MEF2D: variants seen among roughly 807,000 people sequenced by gnomAD.
MEF2D encodes myocyte enhancer factor 2D.
MEF2D carries 10 observed loss-of-function variants against 59.3 expected under a neutral mutation model. The ratio of observed to expected loss-of-function variants is 0.17; its 90% CI spans 0.10 to 0.29. MEF2D has a LOEUF of 0.29. Ranked by LOEUF, MEF2D falls within the 10% of genes least tolerant of loss-of-function variation. The pLI is 1.00. For missense variants in MEF2D, 508 were observed against 699.4 expected, an observed-to-expected ratio of 0.73 and a Z score of 3.09; for synonymous variants, 305 against 295.0, an observed-to-expected ratio of 1.03 and a Z score of -0.35.
At chr1:156,475,283 G>A in intron 8 of MEF2D, 46 bp from the exon 9 acceptor site, 1 of 1,532,256 alleles carries the variant, frequency 6.5e-7, no homozygotes, top group Non-Finnish European at 8.8e-7. Flanking sequence ...CAGGTGGGCA[G>A]CTTTATGTTG....
chr1:156,477,066 C>T lies in MEF2D; in HGVS notation c.801G>A (p.Lys267=). The part of the protein sequence containing the change: ...HSTQLGAPSR[K]PDLRVITSQA... ...GGGAAGTGATGACTCGCAGGTCGGG[C>T]TTGCGGCTGGGGGCTCCAAGCTGGG... The change falls in exon 7 of 12, where the codon AAG becomes AAA. Residue 267 remains lysine, a synonymous_variant. Coordinates refer to ENST00000348159, the MANE Select transcript of MEF2D (RefSeq NM_005920.4). 1.2e-6 allele frequency: 2 copies of T among 1,613,940 alleles called. No individual in the cohort carries two copies. Among genetic ancestry groups the T allele is most frequent in the East Asian group, 4.5e-5 (2 of 44,876 alleles).
At chr1:156,490,848 C>T (rs1285717327) in intron 1 of MEF2D, among the ~76,000 whole-genome samples, 1 of 152,210 alleles carries the variant, frequency 6.6e-6, no homozygotes, top group Non-Finnish European at 1.5e-5. Flanking sequence ...TCTCCTGAGC[C>T]TCCTCCATGT....
At chr1:156,498,592 TCCCTTCCCCCCTCCCC>T (rs1452653802) in intron 1 of MEF2D, among the ~76,000 whole-genome samples, 1 of 151,648 alleles carries the variant, frequency 6.6e-6, no homozygotes, top group Non-Finnish European at 1.5e-5. Context: ...CCTCCCTTCC[TCCCTTCCCCCCTCCCC>T]CCCTTCCCCC....
At chr1:156,485,818 T>C (rs147060850) in intron 1 of MEF2D, among the ~76,000 whole-genome samples, 228 of 151,910 alleles carry the variant, frequency 1.5e-3, no homozygotes, top group African/African-American at 5.4e-3. Flanking sequence ...CATGAGTGTG[T>C]ACCACCATGC....
chr1:156,477,152 T>G lies in MEF2D; in HGVS notation c.715A>C (p.Asn239His). 6.2e-7 allele frequency: 1 copy of G among 1,613,766 alleles called. No homozygotes were observed. The highest frequency in any genetic ancestry group is 8.5e-7 in the Non-Finnish European group (1 of 1,179,794). The change falls in exon 7 of 12, where the codon AAT becomes CAT. Residue 239 changes from asparagine to histidine, a missense_variant. Around this residue, in one of 2 missense-constraint regions of MEF2D, gnomAD observed 481 missense variants for 584.7 expected, o/e 0.82. Coordinates refer to ENST00000348159, the MANE Select transcript of MEF2D (RefSeq NM_005920.4). ...ATGACCTTGTTTAGGCTGTTGCCAT[T>G]GGCCACAGGGAGGAGGCCAGGGGAA... ...RASPGLLPVA[N>H]GNSLNKVIPA...
intron 1 of MEF2D, among the ~76,000 whole-genome samples, chr1:156,486,208 C>T (rs1325738546): frequency 2.0e-5 from 3 of 152,174 alleles, no homozygotes; most frequent in Admixed American, 1.3e-4. Flanking sequence ...CCCAAACCAG[C>T]TCCAGACACC....
rs572958416 is a variant in MEF2D at position 156,488,255 on chromosome 1, C to T, written c.-138-4825G>A. On this transcript the variant is annotated intron_variant, in intron 1 of 11. Coordinates refer to ENST00000348159, the MANE Select transcript of MEF2D (RefSeq NM_005920.4). ...GATGGGCAGGACATTTGGCAATGCCCACCCATATCTGTTCCCATCCTAGTG... is the reference window on the plus strand; with the variant it reads ...GATGGGCAGGACATTTGGCAATGCCTACCCATATCTGTTCCCATCCTAGTG... Among the ~76,000 whole-genome samples, 13 of 152,326 alleles carry T rather than the reference C, an allele frequency of 8.5e-5. No individual in the cohort carries two copies. The South Asian group carries it at 2.7e-3, about 32-fold the overall frequency.
At chr1:156,500,217 G>T (rs1673406325) in intron 1 of MEF2D, among the ~76,000 whole-genome samples, 1 of 151,580 alleles carries the variant, frequency 6.6e-6, no homozygotes, top group African/African-American at 2.4e-5. Flanking sequence ...CAATCCGCCC[G>T]TCCCCACCCC....
At chr1:156,473,322 TG>T (rs1218400968) in intron 9 of MEF2D, among the ~76,000 whole-genome samples, 4 of 152,172 alleles carry the variant, frequency 2.6e-5, no homozygotes, top group African/African-American at 9.7e-5. Context: ...GCCTGGGTTC[TG>T]GATTTTTACA....
chr1:156,485,522 CTTTTTTTTTTTTT>C (rs60165062), intron 1 of MEF2D, among the ~76,000 whole-genome samples: 1 of 131,808 alleles, frequency 7.6e-6, no homozygotes, highest in Admixed American at 7.6e-5. Context: ...TCTCCTTCTT[CTTTTTTTTTTTTT>C]TTTTTGGTGG....
chr1:156,473,947 C>T (rs1177552760), intron 9 of MEF2D, among the ~76,000 whole-genome samples: 1 of 152,192 alleles, frequency 6.6e-6, no homozygotes. Flanking sequence ...TGTGCTTTCT[C>T]TCTGGCCTCC....
intron 3 of MEF2D, 141 bp from the exon 4 acceptor site, chr1:156,481,112 C>A: frequency 8.3e-7 from 1 of 1,207,614 alleles, no homozygotes; most frequent in Non-Finnish European, 1.2e-6. Context: ...CTGGCCCCTC[C>A]CCACTGACAG....
chr1:156,488,613 G>T (rs964317260), intron 1 of MEF2D, among the ~76,000 whole-genome samples: 1 of 152,196 alleles, frequency 6.6e-6, no homozygotes, highest in Non-Finnish European at 1.5e-5. Context: ...TGTGCAAAAT[G>T]TACCGTAAAG....
chr1:156,480,427 G>A lies in MEF2D; in HGVS notation c.396+407C>T, dbSNP rs1297878634. On this transcript the variant is annotated intron_variant, in intron 4 of 11. Coordinates refer to ENST00000348159, the MANE Select transcript of MEF2D (RefSeq NM_005920.4). ...CATGTCATCTACACACTTCTTGCTGGAGAGGGGGACACTCCAGGCCTCTCC... is the reference window on the plus strand; with the variant it reads ...CATGTCATCTACACACTTCTTGCTGAAGAGGGGGACACTCCAGGCCTCTCC... Among the ~76,000 whole-genome samples, 5 of 152,136 alleles carry A rather than the reference G, an allele frequency of 3.3e-5. No homozygotes were observed. In the East Asian group the frequency reaches 7.7e-4, roughly 23 times the overall value.
At chr1:156,497,979 G>C (rs1461599158) in intron 1 of MEF2D, among the ~76,000 whole-genome samples, 2 of 151,708 alleles carry the variant, frequency 1.3e-5, no homozygotes, top group East Asian at 3.9e-4. Flanking sequence ...CTATCCCCAA[G>C]GCCTCCTCGG....
chr1:156,481,020 C>A, intron 3 of MEF2D, 49 bp from the exon 4 acceptor site: 1 of 1,608,216 alleles, frequency 6.2e-7, no homozygotes, highest in East Asian at 2.2e-5. Flanking sequence ...TTCCCGCCCG[C>A]CTCGCTGGAG....
chr1:156,496,338 G>A (rs1297340803), intron 1 of MEF2D, among the ~76,000 whole-genome samples: 1 of 152,098 alleles, frequency 6.6e-6, no homozygotes, highest in Non-Finnish European at 1.5e-5. Context: ...ACCGAAAGGC[G>A]AAACTCTGTA....
intron 3 of MEF2D, among the ~76,000 whole-genome samples, chr1:156,481,953 C>T (rs1383951124): frequency 6.6e-6 from 1 of 152,234 alleles, no homozygotes; most frequent in Non-Finnish European, 1.5e-5. Flanking sequence ...TGTCCTTCAA[C>T]AGTTCACAAT....
At chr1:156,486,516 C>T (rs1455050529) in intron 1 of MEF2D, among the ~76,000 whole-genome samples, 1 of 152,176 alleles carries the variant, frequency 6.6e-6, no homozygotes, top group Non-Finnish European at 1.5e-5. Context: ...TCCCTCTCTC[C>T]CCTTTACTAT....
Sources: allele counts gnomAD v4.1 joint callset (sites outside exome capture counted in the v4.1 genomes callset), GRCh38; gene constraint gnomAD v4.1.1; regional missense constraint gnomAD v4.1.1; transcripts MANE v1.5; gene names NCBI Gene and HGNC (gene_info 2026-07-23, HGNC 2026-07-21).